Variants in MAP4K5 observed in about 807,000 individuals in gnomAD.
MAP4K5 encodes mitogen-activated protein kinase kinase kinase kinase 5.
Under a neutral mutation model 135.6 loss-of-function variants are expected in MAP4K5, and 82 were observed. The observed-to-expected ratio is 0.60, with a 90% CI of 0.51 to 0.73. MAP4K5 has a LOEUF of 0.73. Ranked by LOEUF, MAP4K5 falls within the 30% of genes least tolerant of loss-of-function variation. The probability of loss-of-function intolerance (pLI) is 0.00; values close to 1 mark genes in which losing one functional copy is unlikely to be tolerated. For synonymous variants in MAP4K5, 347 were observed against 335.0 expected, an observed-to-expected ratio of 1.04 and a Z score of -0.39; for missense variants, 907 against 1,010.9, an observed-to-expected ratio of 0.90 and a Z score of 1.39.
intron 26 of MAP4K5, among the ~76,000 whole-genome samples, chr14:50,437,077 T>A (rs1470544949): frequency 3.3e-5 from 5 of 152,160 alleles, no homozygotes; most frequent in Non-Finnish European, 7.4e-5. Context: ...AACTTGCAAT[T>A]GGTATCATAA....
intron 31 of MAP4K5, 39 bp downstream of exon 31, chr14:50,425,867 TG>T (rs1294793198): frequency 7.1e-7 from 1 of 1,408,756 alleles, no homozygotes; most frequent in African/African-American, 1.4e-5. Flanking sequence ...CATTTAAAAT[TG>T]TTAGTGGGAG....
chr14:50,485,393 G>A (rs2037342198), intron 5 of MAP4K5, among the ~76,000 whole-genome samples, 185 bp downstream of exon 5: 1 of 151,964 alleles, frequency 6.6e-6, no homozygotes. Flanking sequence ...GTCACTTCAG[G>A]CTCAGGCAAG....
intron 16 of MAP4K5, 141 bp from the exon 17 acceptor site, chr14:50,446,262 G>C (rs2036345940): frequency 1.9e-6 from 1 of 532,946 alleles, no homozygotes; most frequent in East Asian, 3.6e-5. Flanking sequence ...AAAATCTTTA[G>C]GAAGACCTAA....
chr14:50,458,109 C>T (rs114953287), intron 13 of MAP4K5, among the ~76,000 whole-genome samples: 49 of 152,294 alleles, frequency 3.2e-4, no homozygotes, highest in African/African-American at 1.2e-3. Context: ...AATTACTATT[C>T]TGTACCTTCT....
At chr14:50,547,875 T>A (rs1474039636) in intron 1 of MAP4K5, among the ~76,000 whole-genome samples, 1 of 152,224 alleles carries the variant, frequency 6.6e-6, no homozygotes, top group Admixed American at 6.5e-5. Context: ...TAATGGACTT[T>A]CCAGGTACTA....
At chr14:50,459,748 A>C (rs1404352021) in intron 13 of MAP4K5, among the ~76,000 whole-genome samples, 1 of 146,512 alleles carries the variant, frequency 6.8e-6, no homozygotes, top group Non-Finnish European at 1.5e-5. Flanking sequence ...CCCAGGTTGG[A>C]GTGCAGTGGC....
chr14:50,525,595 G>A (rs912444808), intron 2 of MAP4K5, among the ~76,000 whole-genome samples: 1 of 152,154 alleles, frequency 6.6e-6, no homozygotes, highest in Non-Finnish European at 1.5e-5. Flanking sequence ...CAGCACTTTG[G>A]GAGGCAGAGG....
chr14:50,518,151 A>G (rs1419042204), intron 2 of MAP4K5, among the ~76,000 whole-genome samples: 5 of 152,240 alleles, frequency 3.3e-5, no homozygotes, highest in African/African-American at 9.6e-5. Flanking sequence ...CAAACACAGT[A>G]TATCCTTATT....
At chr14:50,443,376 G>T (rs1416238699) in intron 20 of MAP4K5, among the ~76,000 whole-genome samples, 6 of 151,940 alleles carry the variant, frequency 3.9e-5, no homozygotes, top group Non-Finnish European at 7.4e-5. Context: ...AAGCTTCCCT[G>T]GTTCCTTTTA....
At chr14:50,515,981 C>A (rs2038026235) in intron 2 of MAP4K5, among the ~76,000 whole-genome samples, 1 of 152,218 alleles carries the variant, frequency 6.6e-6, no homozygotes, top group Non-Finnish European at 1.5e-5. Context: ...ATTCCCACAT[C>A]TTCCTAATCT....
intron 2 of MAP4K5, among the ~76,000 whole-genome samples, chr14:50,538,179 G>C (rs944710257): frequency 2.6e-5 from 4 of 152,114 alleles, no homozygotes; most frequent in Non-Finnish European, 5.9e-5. Context: ...AGATCTGATG[G>C]TTTTAAAAAG....
chr14:50,540,456 G>A (rs1412970389), intron 2 of MAP4K5, among the ~76,000 whole-genome samples: 1 of 152,112 alleles, frequency 6.6e-6, no homozygotes, highest in Non-Finnish European at 1.5e-5. Context: ...GTCTTTGAGG[G>A]AGAGTCCCAT....
At chr14:50,463,289 TAC>T (rs1363745023) in intron 12 of MAP4K5, among the ~76,000 whole-genome samples, 1 of 152,228 alleles carries the variant, frequency 6.6e-6, no homozygotes, top group East Asian at 1.9e-4. Context: ...AAGTGTTTTA[TAC>T]ACACACATAT....
intron 2 of MAP4K5, among the ~76,000 whole-genome samples, chr14:50,516,512 G>T (rs1014829098): frequency 1.3e-5 from 2 of 152,112 alleles, no homozygotes; most frequent in East Asian, 3.9e-4. Flanking sequence ...AAGAAAAGAG[G>T]ATCAAGAACA....
intron 5 of MAP4K5, among the ~76,000 whole-genome samples, chr14:50,483,826 G>C (rs2037305184): frequency 6.8e-6 from 1 of 147,082 alleles, no homozygotes; most frequent in South Asian, 2.2e-4. Flanking sequence ...TCACAGAAAA[G>C]ACAGCAATTC....
At chr14:50,499,605 C>T (rs2037665339) in intron 3 of MAP4K5, among the ~76,000 whole-genome samples, 1 of 151,760 alleles carries the variant, frequency 6.6e-6, no homozygotes, top group Non-Finnish European at 1.5e-5. Flanking sequence ...TTGCAGTGAG[C>T]CCAGATTGTG....
chr14:50,542,006 CAAAAAAAAAAAAAAAAAAAAAAAAAA>C (rs59075218), intron 2 of MAP4K5, among the ~76,000 whole-genome samples: 129 of 62,478 alleles, frequency 2.1e-3, no homozygotes, highest in South Asian at 0.02. Context: ...GATTCCGTCT[CAAAAAAAAAAAAAAAAAAAAAAAAAA>C]AAAAAAAAAA....
At chr14:50,448,410 T>C (rs1404733716) in intron 15 of MAP4K5, among the ~76,000 whole-genome samples, 2 of 151,448 alleles carry the variant, frequency 1.3e-5, no homozygotes, top group East Asian at 3.9e-4. Context: ...AAATAAAATA[T>C]ATTTAAAAAA....
chr14:50,440,737 A>G (rs2036208189), intron 21 of MAP4K5, among the ~76,000 whole-genome samples: 1 of 152,136 alleles, frequency 6.6e-6, no homozygotes, highest in South Asian at 2.1e-4. Flanking sequence ...CATTTTTGCA[A>G]GACACCTCAA....
Sources: gnomAD v4.1 joint callset for allele counts (sites outside exome capture counted in the v4.1 genomes callset) on GRCh38, gnomAD v4.1.1 for gene constraint, MANE v1.5 for transcripts, NCBI Gene and HGNC (gene_info 2026-07-23, HGNC 2026-07-21) for gene names.